The following APCDD1L variants were observed in gnomAD, a reference collection of about 807,000 sequenced individuals.
APCDD1L encodes APC down-regulated 1 like, also known as protein APCDD1-like.
In APCDD1L, 21 loss-of-function variants were observed where a neutral mutation model predicts 24.2. That is an observed-to-expected ratio of 0.87 (90% CI 0.61 to 1.25). The LOEUF (loss-of-function observed/expected upper bound fraction) is 1.25. Ranked by LOEUF, APCDD1L falls within the 50% of genes most tolerant of loss-of-function variation. The probability of loss-of-function intolerance (pLI) is 0.00; values close to 1 mark genes in which losing one functional copy is unlikely to be tolerated. For synonymous variants in APCDD1L, 321 were observed against 323.6 expected (o/e 0.99, Z 0.09); for missense variants, 704 against 711.7 (o/e 0.99, Z 0.12).
chr20:58,499,060 C>A (rs1243700102), intron 1 of APCDD1L, among the ~76,000 whole-genome samples: 5 of 152,210 alleles, frequency 3.3e-5, no homozygotes, highest in African/African-American at 1.2e-4. Context: ...TGAGGTGGAA[C>A]TTGACTTTTC....
chr20:58,467,212 G>A lies in APCDD1L; in HGVS notation c.635C>T (p.Ser212Leu). The change falls in exon 3 of 4, where the codon TCG (serine) becomes TTG (leucine). Residue 212 changes from serine to leucine, a missense_variant. Physicochemically the swap from Ser to Leu is moderately radical, Grantham distance 145. Coordinates refer to ENST00000371149, the MANE Select transcript of APCDD1L (RefSeq NM_153360.3). The surrounding 1 kb of genome is among the most constrained non-coding windows in gnomAD (Gnocchi z 5.9). ...GTACAGCTCCTCCACCAGCCGGGGC[G>A]ACGCCCGGGGCTGCGGCTGCAGGCG... ...QRRLQPQPRASPRLVEELYLG... is the reference protein window; with the variant it reads ...QRRLQPQPRALPRLVEELYLG... 1 of 1,602,980 alleles carries A rather than the reference G, an allele frequency of 6.2e-7. No individual in the cohort carries two copies. The highest frequency in any genetic ancestry group is 8.5e-7 in the Non-Finnish European group (1 of 1,178,654).
intron 1 of APCDD1L, among the ~76,000 whole-genome samples, chr20:58,476,953 T>C (rs1015628950): frequency 4.6e-5 from 7 of 152,236 alleles, no homozygotes; most frequent in African/African-American, 1.7e-4. Flanking sequence ...CAGGCACCCC[T>C]CTTCTGTTCA....
chr20:58,478,651 CT>C (rs1351960216), intron 1 of APCDD1L, among the ~76,000 whole-genome samples: 7 of 152,252 alleles, frequency 4.6e-5, no homozygotes, highest in Admixed American at 3.3e-4. Flanking sequence ...ATAATGACTA[CT>C]TTTCGCTGAA....
At chr20:58,506,278 C>A (rs1303404524) in intron 1 of APCDD1L, among the ~76,000 whole-genome samples, 5 of 152,166 alleles carry the variant, frequency 3.3e-5, no homozygotes, top group Admixed American at 2.0e-4. Context: ...TTCCTCTGAC[C>A]CATCCAGACA....
rs1454153974 is a variant in APCDD1L, at chr20:58,470,648, A to T, written c.149T>A (p.Ile50Asn). 1 of 1,579,668 alleles carries T rather than the reference A, an allele frequency of 6.3e-7. No homozygotes were observed. Among genetic ancestry groups the T allele is most frequent in the Non-Finnish European group, 8.6e-7 (1 of 1,162,552 alleles). ...AGGTCCATTAAGGCGTGGAGGCAGG[A>T]TCGCAGTGCTGGGCACTCTATCTGG... ...PLPDRVPSTA[I>N]LPPRLNGPWI... The change falls in exon 2 of 4, where the codon ATC becomes AAC. Residue 50 changes from isoleucine to asparagine, a missense_variant. Physicochemically the swap from Ile to Asn is moderately radical, Grantham distance 149. Transcript: ENST00000371149.
chr20:58,470,701 G>T lies in APCDD1L; in HGVS notation c.96C>A (p.Arg32=). ...AAGEAGGSCL[R]WEPHCQQPLP... is the part of the protein sequence containing the mutation. ...AGGGCTGCTGGCAGTGGGGTTCCCA[G>T]CGCAGGCAGCTGCCCCCGGCCTCCC... is the stretch of plus-strand genomic sequence containing the variant. Residue 32 remains arginine (R), a synonymous_variant, in exon 2 of 4, where the codon CGC becomes CGA. Transcript: ENST00000371149. 6.5e-7 allele frequency: 1 copy of T among 1,549,400 alleles called. No individual in the cohort carries two copies. The highest frequency in any genetic ancestry group is 1.2e-5 in the South Asian group (1 of 84,264).
intron 1 of APCDD1L, among the ~76,000 whole-genome samples, chr20:58,492,058 A>G (rs1018375550): frequency 2.6e-5 from 4 of 152,234 alleles, no homozygotes; most frequent in African/African-American, 9.6e-5. Context: ...TCAACTTCCA[A>G]TGGGCGGGGG....
At chr20:58,510,302 C>G in intron 1 of APCDD1L, among the ~76,000 whole-genome samples, 1 of 152,196 alleles carries the variant, frequency 6.6e-6, no homozygotes, top group East Asian at 1.9e-4. Flanking sequence ...AATACACGTC[C>G]ACTGAATTGG....
At position 58,515,321 on chromosome 20, in the gene APCDD1L, G is replaced by A; in HGVS notation, c.-614C>T. The A allele has an allele frequency of 3.5e-6, 1 of 284,270 alleles. No individual in the cohort carries two copies. Among genetic ancestry groups the A allele is most frequent in the Non-Finnish European group, 6.5e-6 (1 of 154,616 alleles). The allele number at this position is 284,270 out of a possible 1,614,324, so 17.6% of individuals were successfully genotyped here. On this transcript the variant is annotated 5_prime_UTR_variant, in exon 1 of 4. Transcript: ENST00000371149. ...TGAAAGTGGCCAACCCGGTCGCCTA[G>A]AAGCCAGCCCCGGCCTCTGTCTGTA... is the stretch of plus-strand genomic sequence containing the variant.
chr20:58,509,136 G>A (rs1240516022), intron 1 of APCDD1L, among the ~76,000 whole-genome samples: 1 of 152,118 alleles, frequency 6.6e-6, no homozygotes, highest in Non-Finnish European at 1.5e-5. Flanking sequence ...CCAGGCAGAG[G>A]GAAGAGGGCG....
At chr20:58,472,291 C>A (rs1172865144) in intron 1 of APCDD1L, among the ~76,000 whole-genome samples, 1 of 152,160 alleles carries the variant, frequency 6.6e-6, no homozygotes, top group Non-Finnish European at 1.5e-5. Context: ...ATACATTATT[C>A]CCATCTGATC....
At chr20:58,493,319 T>G (rs998993852) in intron 1 of APCDD1L, among the ~76,000 whole-genome samples, 2 of 152,240 alleles carry the variant, frequency 1.3e-5, no homozygotes, top group African/African-American at 4.8e-5. Flanking sequence ...TGGGCCCCAC[T>G]AATGTGAGTC....
intron 1 of APCDD1L, among the ~76,000 whole-genome samples, chr20:58,489,977 A>G (rs1014616916): frequency 2.7e-4 from 41 of 152,242 alleles, no homozygotes; most frequent in Non-Finnish European, 5.6e-4. Context: ...AATAAAATTC[A>G]GAGAACTCAT....
chr20:58,473,711 C>T (rs929900094), intron 1 of APCDD1L, among the ~76,000 whole-genome samples: 4 of 152,212 alleles, frequency 2.6e-5, no homozygotes, highest in Non-Finnish European at 5.9e-5. Context: ...AAGTGATAGA[C>T]GGAGTTAAAT....
intron 1 of APCDD1L, among the ~76,000 whole-genome samples, chr20:58,479,383 T>C (rs896885945): frequency 6.6e-6 from 1 of 152,210 alleles, no homozygotes; most frequent in Non-Finnish European, 1.5e-5. Context: ...ATGGCCAGAT[T>C]AGACAGCAGA....
intron 1 of APCDD1L, among the ~76,000 whole-genome samples, chr20:58,475,397 T>A (rs1490282985): frequency 6.6e-6 from 1 of 152,210 alleles, no homozygotes; most frequent in African/African-American, 2.4e-5. Context: ...GTGGCGGTAG[T>A]TATCATAACA....
intron 1 of APCDD1L, among the ~76,000 whole-genome samples, chr20:58,470,997 C>T (rs1044537005): frequency 6.6e-6 from 1 of 152,192 alleles, no homozygotes; most frequent in African/African-American, 2.4e-5. Context: ...GAATCCAAGC[C>T]TCCTAGATGG....
intron 1 of APCDD1L, 82 bp from the exon 2 acceptor site, chr20:58,470,829 CCA>C: frequency 2.0e-6 from 3 of 1,464,120 alleles, no homozygotes; most frequent in Non-Finnish European, 2.7e-6. Context: ...CCCACTGTGG[CCA>C]CAGAGAGCCA....
chr20:58,483,935 G>C (rs1438245665), intron 1 of APCDD1L, among the ~76,000 whole-genome samples: 2 of 152,208 alleles, frequency 1.3e-5, no homozygotes, highest in Non-Finnish European at 2.9e-5. Context: ...TGGCTCTAGG[G>C]AGAAGGCTGA....
Sources: gnomAD v4.1 joint callset for allele counts (sites outside exome capture counted in the v4.1 genomes callset) on GRCh38, gnomAD v4.1.1 for gene constraint, Gnocchi (gnomAD v3.1) non-coding constraint, MANE v1.5 for transcripts, NCBI Gene and HGNC (gene_info 2026-07-23, HGNC 2026-07-21) for gene names.